Variants in CADPS2 observed in about 807,000 individuals in gnomAD.
CADPS2 encodes the protein calcium-dependent secretion activator 2.
In CADPS2, 93 loss-of-function variants were observed where a neutral mutation model predicts 172.5. The observed-to-expected ratio is 0.54, with a 90% CI of 0.46 to 0.64. The LOEUF is 0.64. Among genes scored for constraint, CADPS2 ranks in the 30% least tolerant of loss-of-function variants. The probability of loss-of-function intolerance (pLI) is 0.00; values close to 1 mark genes in which losing one functional copy is unlikely to be tolerated. For missense variants in CADPS2, 1,420 were observed against 1,565.9 expected (o/e 0.91, Z 1.57); for synonymous variants, 546 against 555.2 (o/e 0.98, Z 0.23).
chr7:122,649,308 T>TA (rs1436351643), intron 3 of CADPS2, among the ~76,000 whole-genome samples: 2 of 152,128 alleles, frequency 1.3e-5, no homozygotes, highest in African/African-American at 4.8e-5. Context: ...TTAAAACCTT[T>TA]ATTAAACTTC....
intron 7 of CADPS2, among the ~76,000 whole-genome samples, chr7:122,579,406 G>A (rs1587527540): frequency 2.0e-5 from 3 of 149,198 alleles, no homozygotes; most frequent in East Asian, 4.0e-4. Context: ...AGTATGAAGA[G>A]AGTAAGGGAG....
intron 20 of CADPS2, among the ~76,000 whole-genome samples, chr7:122,402,909 G>A (rs2046143121): frequency 6.6e-6 from 1 of 152,118 alleles, no homozygotes; most frequent in African/African-American, 2.4e-5. Flanking sequence ...TTCGAATTTA[G>A]ACAATAACTC....
At chr7:122,638,515 C>T (rs1377159264) in intron 3 of CADPS2, among the ~76,000 whole-genome samples, 2 of 152,168 alleles carry the variant, frequency 1.3e-5, no homozygotes, top group African/African-American at 2.4e-5. Context: ...TGTCCATCTC[C>T]AGCACCATGA....
chr7:122,460,588 A>G (rs938341268), intron 14 of CADPS2, among the ~76,000 whole-genome samples: 3 of 152,180 alleles, frequency 2.0e-5, no homozygotes, highest in African/African-American at 7.2e-5. Flanking sequence ...TCTTAAGTAT[A>G]AATGTTTATT....
Position 122,554,653 on chromosome 7 carries a change from C to T in CADPS2, c.1372G>A (p.Ala458Thr). The change falls in exon 8 of 30, where the codon GCT becomes ACT. Residue 458 changes from alanine (A) to threonine (T), a missense_variant. Ala to Thr is a moderately conservative substitution (Grantham distance 58). Transcript: ENST00000449022. ...LYPTSNSSKS[A>T]ELHRMVVPKN... is the part of the protein sequence containing the mutation. ...GGAACTACCATTCGGTGTAATTCAG[C>T]TGATTTGGAGCTATTAGAAGTTGGG... 1 of 1,610,110 alleles carries T rather than the reference C, an allele frequency of 6.2e-7. No homozygotes were observed. Among genetic ancestry groups the T allele is most frequent in the South Asian group, 1.1e-5 (1 of 90,474 alleles).
intron 8 of CADPS2, among the ~76,000 whole-genome samples, chr7:122,545,678 A>T (rs1484182625): frequency 6.6e-6 from 1 of 152,156 alleles, no homozygotes; most frequent in East Asian, 1.9e-4. Context: ...GGCAGAAGGA[A>T]TAAAAAGGGA....
chr7:122,416,264 A>G (rs2047901650), intron 17 of CADPS2, 100 bp from the exon 18 acceptor site: 6 of 551,350 alleles, frequency 1.1e-5, no homozygotes, highest in Non-Finnish European at 1.8e-5. Flanking sequence ...TAGAATGAGA[A>G]ATAAGAAATA....
chr7:122,382,633 A>G (rs2043160731), intron 24 of CADPS2, among the ~76,000 whole-genome samples: 1 of 152,026 alleles, frequency 6.6e-6, no homozygotes, highest in Non-Finnish European at 1.5e-5. Flanking sequence ...TGGTACATTA[A>G]TGTTTCCAAC....
At chr7:122,831,331 T>C (rs926082421) in intron 1 of CADPS2, among the ~76,000 whole-genome samples, 3 of 152,226 alleles carry the variant, frequency 2.0e-5, no homozygotes, top group Admixed American at 1.3e-4. Flanking sequence ...TTGGGTGTTT[T>C]CGCTCAACTG....
intron 1 of CADPS2, among the ~76,000 whole-genome samples, chr7:122,800,846 C>T (rs1443907939): frequency 6.6e-6 from 1 of 151,924 alleles, no homozygotes; most frequent in Non-Finnish European, 1.5e-5. Flanking sequence ...CAAAAATTAG[C>T]CGGGCGTGGT....
At chr7:122,658,714 G>A (rs1363244042) in intron 3 of CADPS2, among the ~76,000 whole-genome samples, 3 of 152,062 alleles carry the variant, frequency 2.0e-5, no homozygotes, top group East Asian at 1.9e-4. Flanking sequence ...GAAGGGGAAC[G>A]AAACACACTG....
At position 122,471,479 on chromosome 7, in the gene CADPS2, G is replaced by T; in HGVS notation, c.2082C>A (p.Cys694Ter). ...YGVRGCHRHL[C>*]YLAELMEHSE... ...AATGTTCCATCAGTTCTGCAAGGTA[G>T]CAGAGATGTCTGTGACAGCCTCTCA... The change falls in exon 14 of 30, where the codon TGC becomes TGA. Residue 694 changes from cysteine to a stop codon, truncating the protein, a stop_gained. Transcript: ENST00000449022. LOFTEE classifies it high-confidence loss of function. 6.2e-7 allele frequency: 1 copy of T among 1,613,240 alleles called. No homozygotes were observed. Among genetic ancestry groups the T allele is most frequent in the Non-Finnish European group, 8.5e-7 (1 of 1,179,604 alleles).
Position 122,471,227 on chromosome 7 carries a change from CTT to C in CADPS2, c.2186+146_2186+147del, listed in dbSNP as rs370807562. 5 of 671,686 alleles carry C rather than the reference CTT, an allele frequency of 7.4e-6. No individual in the cohort carries two copies. The African/African-American group carries it at 7.6e-5, about 10-fold the overall frequency. The allele number at this position is 671,686 out of a possible 1,614,324, so 41.6% of individuals were successfully genotyped here. On this transcript the variant is annotated intron_variant, in intron 14 of 29. Coordinates refer to ENST00000449022, the MANE Select transcript of CADPS2 (RefSeq NM_017954.11). The stretch of plus-strand genomic sequence containing the variant: ...TAAATCAATAGCATATTGATGCACA[CTT>C]TTTTCTCTGTCGTTTTTTTTTTTTT...
intron 1 of CADPS2, among the ~76,000 whole-genome samples, chr7:122,749,974 A>G (rs2092881650): frequency 6.6e-6 from 1 of 151,938 alleles, no homozygotes; most frequent in Non-Finnish European, 1.5e-5. Flanking sequence ...AAAAAAAAAA[A>G]AAGAAAAAGA....
At position 122,432,643 on chromosome 7, in the gene CADPS2, T is replaced by TAA. The variant is rs57311950; in HGVS notation, c.2476+5696_2476+5697dup. Among the ~76,000 whole-genome samples, 230 of 108,526 alleles carry TAA rather than the reference T, an allele frequency of 2.1e-3. 2 individuals are homozygous for TAA. In the South Asian group the frequency reaches 0.04, roughly 19 times the overall value. The allele number at this position is 108,526 out of a possible 152,430, so 71.2% of individuals were successfully genotyped here. A position where few individuals can be genotyped will look rare whatever the true frequency, so the allele number is the denominator to read the frequency against. On this transcript the variant is annotated intron_variant, in intron 17 of 29. Transcript: ENST00000449022. Reference sequence around the variant, plus strand: ...GCAACAAGGCAAGACTCTGTTAAAATAAAAAAAAAAAAAAAAAAGAAAAAA... The same window carrying TAA: ...GCAACAAGGCAAGACTCTGTTAAAATAAAAAAAAAAAAAAAAAAAAGAAAAAA...
intron 24 of CADPS2, chr7:122,382,307 G>A (rs1053802861): frequency 6.6e-6 from 1 of 152,120 alleles, no homozygotes; most frequent in Non-Finnish European, 1.5e-5. Flanking sequence ...TGTAATTAAT[G>A]ATTATCTGTA....
intron 2 of CADPS2, among the ~76,000 whole-genome samples, chr7:122,705,978 TATA>T (rs371565965): frequency 1.4e-5 from 1 of 71,894 alleles, no homozygotes; most frequent in African/African-American, 6.0e-5. Context: ...TAATATAATA[TATA>T]ATATTATATA....
chr7:122,531,483 A>C (rs887265935), intron 8 of CADPS2, among the ~76,000 whole-genome samples: 2 of 152,172 alleles, frequency 1.3e-5, no homozygotes, highest in African/African-American at 4.8e-5. Context: ...ACTAACTCTT[A>C]AGAATGGGGC....
At chr7:122,741,354 A>G (rs1285940199) in intron 1 of CADPS2, among the ~76,000 whole-genome samples, 1 of 152,176 alleles carries the variant, frequency 6.6e-6, no homozygotes, top group Non-Finnish European at 1.5e-5. Context: ...GACAGAAAAT[A>G]CAGGTAAAAG....
Sources: allele counts gnomAD v4.1 joint callset (sites outside exome capture counted in the v4.1 genomes callset), GRCh38; gene constraint gnomAD v4.1.1; transcripts MANE v1.5; gene names NCBI Gene and HGNC (gene_info 2026-07-23, HGNC 2026-07-21).